KTN1: variants seen among roughly 807,000 people sequenced by gnomAD.
KTN1 encodes the protein kinectin.
KTN1 carries 130 observed loss-of-function variants against 222.5 expected under a neutral mutation model. That is an observed-to-expected ratio of 0.58 (90% CI 0.51 to 0.68). The LOEUF (loss-of-function observed/expected upper bound fraction) is 0.68, where lower values mean the gene tolerates loss of function less well. Ranked by LOEUF, KTN1 falls within the 30% of genes least tolerant of loss-of-function variation. The pLI, the probability that KTN1 is intolerant of heterozygous loss-of-function variation, is 0.00. For synonymous variants in KTN1, 512 were observed against 496.3 expected (o/e 1.03, Z -0.42); for missense variants, 1,508 against 1,500.4 (o/e 1.01, Z -0.08).
At chr14:55,598,193 T>C (rs1168863801) in intron 1 of KTN1, among the ~76,000 whole-genome samples, 1 of 152,146 alleles carries the variant, frequency 6.6e-6, no homozygotes, top group Non-Finnish European at 1.5e-5. Context: ...CCCAGCACTT[T>C]GGGAGGCCGA....
intron 41 of KTN1, among the ~76,000 whole-genome samples, chr14:55,677,826 G>C (rs961486373): frequency 5.3e-5 from 8 of 152,136 alleles, no homozygotes; most frequent in African/African-American, 1.9e-4. Context: ...AGCCTCCCTA[G>C]TAGCTGGGAT....
At chr14:55,673,319 G>C (rs988577316) in intron 40 of KTN1, 64 bp downstream of exon 40, 2 of 1,044,814 alleles carry the variant, frequency 1.9e-6, no homozygotes, top group Non-Finnish European at 2.9e-6. Context: ...GACATGTGGA[G>C]AAACCATCCA....
chr14:55,582,134 T>C (rs888053520), intron 1 of KTN1, among the ~76,000 whole-genome samples: 1 of 152,216 alleles, frequency 6.6e-6, no homozygotes, highest in African/African-American at 2.4e-5. Flanking sequence ...AAAAATTTTC[T>C]TAATACTTGA....
intron 33 of KTN1, among the ~76,000 whole-genome samples, chr14:55,666,612 A>T (rs755010128): frequency 6.6e-6 from 1 of 151,974 alleles, no homozygotes; most frequent in African/African-American, 2.4e-5. Flanking sequence ...GAGTCCATAT[A>T]CAAGTGTCAG....
chr14:55,632,939 T>A (rs1456097000), intron 7 of KTN1, among the ~76,000 whole-genome samples: 1 of 152,214 alleles, frequency 6.6e-6, no homozygotes, highest in Non-Finnish European at 1.5e-5. Context: ...AGGAAAGAAA[T>A]CCTAAATCAT....
intron 5 of KTN1, among the ~76,000 whole-genome samples, chr14:55,623,147 A>G (rs2039375865): frequency 6.6e-6 from 1 of 152,148 alleles, no homozygotes; most frequent in African/African-American, 2.4e-5. Flanking sequence ...CTTTCTTACA[A>G]CCGTCTGGAT....
At chr14:55,585,453 T>C (rs2032788957) in intron 1 of KTN1, among the ~76,000 whole-genome samples, 1 of 152,238 alleles carries the variant, frequency 6.6e-6, no homozygotes, top group Non-Finnish European at 1.5e-5. Context: ...TGCCTTTTTA[T>C]TTTTACTGAT....
chr14:55,646,592 CT>C (rs1026781086), intron 18 of KTN1, among the ~76,000 whole-genome samples: 3 of 141,514 alleles, frequency 2.1e-5, no homozygotes, highest in Non-Finnish European at 4.6e-5. Flanking sequence ...CTCTTTTCTT[CT>C]TTTCTTTCTT....
At chr14:55,680,603 G>C (rs535706772) in intron 43 of KTN1, 1 of 675,434 alleles carries the variant, frequency 1.5e-6, no homozygotes, top group African/African-American at 1.8e-5. Flanking sequence ...GCTATACAAG[G>C]CCTCAGGGAG....
intron 42 of KTN1, 55 bp from the exon 43 acceptor site, chr14:55,679,510 T>G (rs12587735): frequency 0.37 from 533,135 of 1,453,678 alleles, 99,301 homozygotes; most frequent in African/African-American, 0.44. Flanking sequence ...TTGTTTGGTT[T>G]TACATTTCTT....
intron 2 of KTN1, among the ~76,000 whole-genome samples, chr14:55,616,280 C>T (rs1040656835): frequency 7.2e-5 from 11 of 152,040 alleles, no homozygotes; most frequent in Non-Finnish European, 1.6e-4. Flanking sequence ...GAGACTTGAT[C>T]ATGCCTATAG....
chr14:55,600,706 T>A (rs2035845753), intron 1 of KTN1, among the ~76,000 whole-genome samples: 1 of 152,060 alleles, frequency 6.6e-6, no homozygotes, highest in Admixed American at 6.5e-5. Flanking sequence ...GTAGCTGTTT[T>A]ACGGTATGAA....
intron 40 of KTN1, chr14:55,673,578 G>A (rs1191234994): frequency 3.9e-5 from 7 of 179,960 alleles, no homozygotes; most frequent in Non-Finnish European, 8.1e-5. Context: ...GATTGGCTGA[G>A]TTACGAAGAT....
Position 55,619,105 on chromosome 14 carries a change from A to G in KTN1, c.833-77A>G, listed in dbSNP as rs370267553. On this transcript the variant is annotated intron_variant, in intron 4 of 43. Coordinates refer to ENST00000395314, the MANE Select transcript of KTN1 (RefSeq NM_001079521.2). Reference sequence around the variant, plus strand: ...TGACTTTCTGGGCCGTGAATTCTTCATGCTTACCTTTGCTGAAGTTATTAT... The same window carrying G: ...TGACTTTCTGGGCCGTGAATTCTTCGTGCTTACCTTTGCTGAAGTTATTAT... 3.3e-6 allele frequency: 4 copies of G among 1,198,746 alleles called. No individual in the cohort carries two copies. The African/African-American group carries it at 4.6e-5, about 14-fold the overall frequency. 74.3% of individuals were successfully genotyped at this position (1,198,746 alleles called of 1,614,324 possible).
chr14:55,676,605 G>A (rs1037770341), intron 41 of KTN1, among the ~76,000 whole-genome samples: 3 of 152,102 alleles, frequency 2.0e-5, no homozygotes, highest in Admixed American at 6.5e-5. Flanking sequence ...AAACCCAACA[G>A]TAGTAATTTA....
intron 5 of KTN1, among the ~76,000 whole-genome samples, chr14:55,624,534 A>T (rs557039008): frequency 1.3e-5 from 2 of 152,328 alleles, no homozygotes; most frequent in South Asian, 2.1e-4. Flanking sequence ...TAGTCATTTT[A>T]CAATTAACAT....
intron 5 of KTN1, among the ~76,000 whole-genome samples, chr14:55,623,983 A>G (rs144582528): frequency 6.6e-6 from 1 of 152,244 alleles, no homozygotes; most frequent in East Asian, 1.9e-4. Flanking sequence ...CCCTTTATCT[A>G]TTTTAGGCAG....
At chr14:55,617,184 A>T (rs1042030507) in intron 3 of KTN1, among the ~76,000 whole-genome samples, 1 of 152,230 alleles carries the variant, frequency 6.6e-6, no homozygotes, top group Non-Finnish European at 1.5e-5. Flanking sequence ...ATGACATATC[A>T]ATTAGGTATG....
intron 24 of KTN1, 33 bp from the exon 25 acceptor site, chr14:55,651,854 GATT>G: frequency 7.4e-7 from 1 of 1,353,374 alleles, no homozygotes; most frequent in East Asian, 2.3e-5. Flanking sequence ...AAATTGAAAG[GATT>G]ATTAATTGAT....
Sources: gnomAD v4.1 joint callset for allele counts (sites outside exome capture counted in the v4.1 genomes callset) on GRCh38, gnomAD v4.1.1 for gene constraint, MANE v1.5 for transcripts, NCBI Gene and HGNC (gene_info 2026-07-23, HGNC 2026-07-21) for gene names.